The following MOCOS variants were observed in gnomAD, a reference collection of about 807,000 sequenced individuals.
MOCOS encodes human molybdenum cofactor sulfurase.
MOCOS carries 86 observed loss-of-function variants against 83.6 expected under a neutral mutation model. That is an observed-to-expected ratio of 1.03 (90% CI 0.86 to 1.23). The LOEUF is 1.23. Ranked by LOEUF, MOCOS falls within the 50% of genes most tolerant of loss-of-function variation. The pLI, the probability that MOCOS is intolerant of heterozygous loss-of-function variation, is 0.00. For missense variants in MOCOS, 1,120 were observed against 1,126.9 expected (o/e 0.99, Z 0.09); for synonymous variants, 445 against 434.7 (o/e 1.02, Z -0.29).
At chr18:36,264,999 C>A (rs1294372388) in intron 13 of MOCOS, among the ~76,000 whole-genome samples, 5 of 152,016 alleles carry the variant, frequency 3.3e-5, no homozygotes, top group Non-Finnish European at 7.4e-5. Flanking sequence ...CACAGGTGCA[C>A]CTGAAGAGGA....
intron 11 of MOCOS, 126 bp from the exon 12 acceptor site, chr18:36,256,842 A>G: frequency 1.2e-6 from 1 of 836,124 alleles, no homozygotes; most frequent in Non-Finnish European, 2.1e-6. Context: ...TATTATTGCC[A>G]GGACATCACT....
Position 36,213,351 on chromosome 18 carries a change from A to C in MOCOS, c.1219-15A>C. 6.2e-7 allele frequency: 1 copy of C among 1,602,558 alleles called. No homozygotes were observed. On this transcript the variant is annotated splice_polypyrimidine_tract_variant and intron_variant, in intron 6 of 14. Transcript: ENST00000261326. ...CGTTGGTAATGGCTCATTCCATGTT[A>C]CATTAAATCCGCAGGTGGACAAAAT...
chr18:36,210,850 C>CAAAAAAA lies in MOCOS; in HGVS notation c.1219-2492_1219-2486dup, dbSNP rs60856965. Among the ~76,000 whole-genome samples the CAAAAAAA allele has an allele frequency of 2.0e-3, 97 of 48,056 alleles. 11 individuals carry two copies. Among genetic ancestry groups the CAAAAAAA allele is most frequent in the East Asian group, 5.9e-3 (7 of 1,182 alleles). The allele number at this position is 48,056 out of a possible 152,430, so 31.5% of individuals were successfully genotyped here. Reference sequence around the variant, plus strand: ...TGGGTGACAGAGCAAGACTCTGTCTCAAAAAAAAAAAAAAAAAAAAAAAAA... The same window carrying CAAAAAAA: ...TGGGTGACAGAGCAAGACTCTGTCTCAAAAAAAAAAAAAAAAAAAAAAAAAAAAAAAA... On this transcript the variant is annotated intron_variant, in intron 6 of 14. Transcript: ENST00000261326.
chr18:36,218,791 G>A (rs1245955), intron 8 of MOCOS, among the ~76,000 whole-genome samples: 142,722 of 151,878 alleles, frequency 0.94, 67,717 homozygotes, highest in East Asian at 1. Flanking sequence ...AAGTGCTGGC[G>A]TTACAGACAT....
At position 36,215,711 on chromosome 18, in the gene MOCOS, C is replaced by T; in HGVS notation, c.1531C>T (p.Pro511Ser). ...TGCTGACACCGGGGAGACTGGAGCCCCATCAGCAGACAGCCAGGCTGATGT... is the reference window on the plus strand; with the variant it reads ...TGCTGACACCGGGGAGACTGGAGCCTCATCAGCAGACAGCCAGGCTGATGT... Reference protein sequence around the residue: ...AHADTGETGAPSADSQADVIP... With the variant: ...AHADTGETGASSADSQADVIP... Residue 511 changes from proline to serine, a missense_variant, in exon 8 of 15, where the codon CCA (proline) becomes TCA (serine). Physicochemically the swap from Pro to Ser is moderately conservative, Grantham distance 74. Transcript: ENST00000261326. 6.2e-7 allele frequency: 1 copy of T among 1,614,174 alleles called. No individual in the cohort carries two copies. Among genetic ancestry groups the T allele is most frequent in the Non-Finnish European group, 8.5e-7 (1 of 1,180,030 alleles).
intron 1 of MOCOS, among the ~76,000 whole-genome samples, chr18:36,192,488 G>T (rs1292633553): frequency 2.6e-5 from 4 of 152,180 alleles, no homozygotes; most frequent in Non-Finnish European, 4.4e-5. Context: ...GTACTGATGG[G>T]TTGGAAGACT....
chr18:36,246,824 C>T (rs1284449476), intron 9 of MOCOS, among the ~76,000 whole-genome samples: 2 of 152,168 alleles, frequency 1.3e-5, no homozygotes, highest in Non-Finnish European at 2.9e-5. Flanking sequence ...CAAGAGAGCA[C>T]CAGCTGCAGC....
rs766171560 is a variant in MOCOS at position 36,269,969 on chromosome 18, G to C, written c.*1284G>C. On this transcript the variant is annotated 3_prime_UTR_variant, in exon 15 of 15. Coordinates refer to ENST00000261326, the MANE Select transcript of MOCOS (RefSeq NM_017947.4). ...TTCATTATCACATTTGTAGGACTTTGTGTTGTTCCCAGCACTAGGTGAGAT... is the reference window on the plus strand; with the variant it reads ...TTCATTATCACATTTGTAGGACTTTCTGTTGTTCCCAGCACTAGGTGAGAT... The C allele has an allele frequency of 6.6e-6, 1 of 152,248 alleles. No homozygotes were observed. The highest frequency in any genetic ancestry group is 1.5e-5 in the Non-Finnish European group (1 of 68,078). 9.4% of individuals were successfully genotyped at this position (152,248 alleles called of 1,614,324 possible). A position where few individuals can be genotyped will look rare whatever the true frequency, so the allele number is the denominator to read the frequency against.
At chr18:36,256,661 G>T (rs1402879778) in intron 11 of MOCOS, among the ~76,000 whole-genome samples, 2 of 151,988 alleles carry the variant, frequency 1.3e-5, no homozygotes, top group African/African-American at 4.8e-5. Flanking sequence ...TGTTGGTCAG[G>T]CTGGTGTCGA....
chr18:36,199,346 G>T lies in MOCOS; in HGVS notation c.300-337G>T, dbSNP rs79886854. 1.6e-3 allele frequency among the ~76,000 whole-genome samples: 241 copies of T among 152,320 alleles called. 1 individual carries two copies. The highest frequency in any genetic ancestry group is 5.4e-3 in the African/African-American group (223 of 41,568). The stretch of plus-strand genomic sequence containing the variant: ...TAGAGTTGCCAAAACTAAAAGCAAT[G>T]TAAACAGGTTGATTACTACTTAAAC... On this transcript the variant is annotated intron_variant, in intron 3 of 14. Transcript: ENST00000261326.
chr18:36,227,480 C>T (rs556621250), intron 9 of MOCOS, among the ~76,000 whole-genome samples: 2 of 152,052 alleles, frequency 1.3e-5, no homozygotes, highest in East Asian at 3.9e-4. Flanking sequence ...ACTGCAACCT[C>T]TGCCTCCTGG....
chr18:36,195,520 T>A (rs2091384005), intron 2 of MOCOS, among the ~76,000 whole-genome samples, 174 bp downstream of exon 2: 1 of 152,162 alleles, frequency 6.6e-6, no homozygotes, highest in Non-Finnish European at 1.5e-5. Flanking sequence ...TGTAAACATG[T>A]GGCCGGGATG....
intron 13 of MOCOS, among the ~76,000 whole-genome samples, chr18:36,263,914 T>G (rs2091672692): frequency 6.6e-6 from 1 of 152,160 alleles, no homozygotes; most frequent in Admixed American, 6.5e-5. Context: ...CGGTGGCTCA[T>G]GCCTATAATC....
intron 1 of MOCOS, among the ~76,000 whole-genome samples, chr18:36,191,827 A>G (rs958738302): frequency 1.3e-5 from 2 of 152,224 alleles, no homozygotes; most frequent in Non-Finnish European, 2.9e-5. Flanking sequence ...TTTCTCTGCC[A>G]TTATCATGCT....
chr18:36,203,241 G>A (rs774026711), intron 5 of MOCOS, 52 bp downstream of exon 5: 7 of 1,521,260 alleles, frequency 4.6e-6, no homozygotes, highest in Non-Finnish European at 6.4e-6. Context: ...TGTCCTTGAG[G>A]GAGCTCTGGC....
intron 9 of MOCOS, among the ~76,000 whole-genome samples, chr18:36,226,719 T>TC (rs879730624): frequency 2.7e-4 from 40 of 150,656 alleles, no homozygotes; most frequent in Non-Finnish European, 4.7e-4. Flanking sequence ...TTTTTCTTTT[T>TC]TTTTTTGGTG....
Position 36,269,057 on chromosome 18 carries a change from G to C in MOCOS, c.*372G>C, listed in dbSNP as rs558248851. On this transcript the variant is annotated 3_prime_UTR_variant, in exon 15 of 15. Transcript: ENST00000261326. ...CACATTGTTACTTTGTTTTTAGAGA[G>C]CATCTTTGGATCTCTCCAACCCGTT... 3.5e-6 allele frequency: 1 copy of C among 282,242 alleles called. No individual in the cohort carries two copies. Among genetic ancestry groups the C allele is most frequent in the African/African-American group, 2.2e-5 (1 of 44,682 alleles). 17.5% of individuals were successfully genotyped at this position (282,242 alleles called of 1,614,324 possible).
chr18:36,207,410 C>A (rs1455705477), intron 6 of MOCOS, among the ~76,000 whole-genome samples: 1 of 152,174 alleles, frequency 6.6e-6, no homozygotes, highest in Non-Finnish European at 1.5e-5. Context: ...AATTTACATT[C>A]CCACTAGCAG....
chr18:36,248,942 C>A lies in MOCOS; in HGVS notation c.1981C>A (p.Pro661Thr). The change falls in exon 10 of 15, where the codon CCT becomes ACT. Residue 661 changes from proline to threonine, a missense_variant. Physicochemically the swap from Pro to Thr is conservative, Grantham distance 38 (BLOSUM62 -1). Coordinates refer to ENST00000261326, the MANE Select transcript of MOCOS (RefSeq NM_017947.4). ...KAKGMEPIEV[P>T]LEENSERTQI... The stretch of plus-strand genomic sequence containing the variant: ...ATTAGGGATGGAGCCTATAGAGGTG[C>A]CTCTTGAGGAAAATAGTGAACGGAC... 9 of 1,614,022 alleles carry A rather than the reference C, an allele frequency of 5.6e-6. No homozygotes were observed. Among genetic ancestry groups the A allele is most frequent in the Non-Finnish European group, 7.6e-6 (9 of 1,179,986 alleles).
Sources: gnomAD v4.1 joint callset for allele counts (sites outside exome capture counted in the v4.1 genomes callset) on GRCh38, gnomAD v4.1.1 for gene constraint, MANE v1.5 for transcripts, NCBI Gene and HGNC (gene_info 2026-07-23, HGNC 2026-07-21) for gene names.